PCDHGB4: variants seen among roughly 807,000 people sequenced by gnomAD.
PCDHGB4 encodes the protein protocadherin gamma subfamily B, 4.
PCDHGB4 carries 38 observed loss-of-function variants against 60.5 expected under a neutral mutation model. The ratio of observed to expected loss-of-function variants is 0.63; its 90% confidence interval spans 0.48 to 0.82. PCDHGB4 has a LOEUF of 0.82. Among genes scored for constraint, PCDHGB4 ranks in the 40% least tolerant of loss-of-function variants. The probability of loss-of-function intolerance (pLI) is 0.00; values close to 1 mark genes in which losing one functional copy is unlikely to be tolerated. For missense variants in PCDHGB4, 1,109 were observed against 1,209.6 expected, an observed-to-expected ratio of 0.92 and a Z score of 1.23; for synonymous variants, 456 against 509.7, an observed-to-expected ratio of 0.89 and a Z score of 1.42.
intron 1 of PCDHGB4, among the ~76,000 whole-genome samples, chr5:141,420,686 C>T (rs781004859): frequency 1.3e-4 from 20 of 152,258 alleles, no homozygotes; most frequent in Admixed American, 4.6e-4. Context: ...TTATCGGGAC[C>T]GTATTATTTC....
Position 141,388,404 on chromosome 5 carries a change from C to T in PCDHGB4, c.520C>T (p.Pro174Ser). Residue 174 changes from proline to serine, a missense_variant, in exon 1 of 4, where the codon CCC becomes TCC. Pro to Ser is a moderately conservative substitution (Grantham distance 74, BLOSUM62 -1). This residue lies in a region of PCDHGB4 where 1,068 missense variants were observed against 1,089.9 expected (regional missense o/e 0.98). Transcript: ENST00000519479. ...CACACTGCAGAATTACCAACTCAGT[C>T]CCAGTGATCATTTCTCACTGATAAA... ...SNTLQNYQLS[P>S]SDHFSLINKE... 6.2e-7 allele frequency: 1 copy of T among 1,613,952 alleles called. No individual in the cohort carries two copies. The highest frequency in any genetic ancestry group is 8.5e-7 in the Non-Finnish European group (1 of 1,179,864).
chr5:141,435,372 T>C (rs2097759153), intron 1 of PCDHGB4, among the ~76,000 whole-genome samples: 1 of 152,216 alleles, frequency 6.6e-6, no homozygotes, highest in African/African-American at 2.4e-5. Context: ...CACTTAAATA[T>C]ACAATATACC....
At position 141,476,503 on chromosome 5, in the gene PCDHGB4, C is replaced by T. The variant is rs1259213742; in HGVS notation, c.2398-18304C>T. 2 of 1,614,138 alleles carry T rather than the reference C, an allele frequency of 1.2e-6. No individual in the cohort carries two copies. ...TGGAAGTGGTGATCCAGGACATCAA[C>T]GACAACAATCCTGCTTTCCCTACCC... On this transcript the variant is annotated intron_variant, in intron 1 of 3. Transcript: ENST00000519479. The surrounding 1 kb of genome is among the most constrained non-coding windows in gnomAD (Gnocchi z 7.6).
intron 1 of PCDHGB4, chr5:141,394,218 G>C: frequency 6.2e-7 from 1 of 1,613,918 alleles, no homozygotes; most frequent in Non-Finnish European, 8.5e-7. Context: ...CCTGAGAGGA[G>C]CCTCCATCTT....
chr5:141,392,746 G>A (rs970809453), intron 1 of PCDHGB4: 4 of 1,443,856 alleles, frequency 2.8e-6, no homozygotes, highest in Non-Finnish European at 3.6e-6. Flanking sequence ...CATAGCTGCG[G>A]CAAGAAACTA....
intron 1 of PCDHGB4, chr5:141,416,205 A>T (rs1239154825): frequency 1.3e-5 from 2 of 152,458 alleles, no homozygotes; most frequent in Non-Finnish European, 2.9e-5. Context: ...CAATTTATTT[A>T]TAACAATGTA....
In PCDHGB4 at chr5:141,491,105, C is replaced by T; in HGVS notation, c.2398-3702C>T. ...ACAGCCCCAGGACTGTTCCTCGTGTCTACACACACTGGTGAGGTGCGCACA... is the reference window on the plus strand; with the variant it reads ...ACAGCCCCAGGACTGTTCCTCGTGTTTACACACACTGGTGAGGTGCGCACA... On this transcript the variant is annotated intron_variant, in intron 1 of 3. Transcript: ENST00000519479. This position sits in a 1 kb window ranked among gnomAD's most constrained non-coding sequence, Gnocchi z 6.9. 1 of 1,614,222 alleles carries T rather than the reference C, an allele frequency of 6.2e-7. No individual in the cohort carries two copies. Among genetic ancestry groups the T allele is most frequent in the Non-Finnish European group, 8.5e-7 (1 of 1,180,032 alleles).
In PCDHGB4 at chr5:141,505,419, C is replaced by G. The variant is rs1303924776; in HGVS notation, c.2483C>G (p.Thr828Ser). 6 of 1,614,140 alleles carry G rather than the reference C, an allele frequency of 3.7e-6. No individual in the cohort carries two copies. The highest frequency in any genetic ancestry group is 4.2e-6 in the Non-Finnish European group (5 of 1,180,062). Residue 828 changes from threonine to serine, a missense_variant, in exon 3 of 4, where the codon ACC becomes AGC. Thr to Ser is a moderately conservative substitution (Grantham distance 58). Around this residue, in one of 2 missense-constraint regions of PCDHGB4, gnomAD observed 1,068 missense variants for 1,089.9 expected, o/e 0.98. Coordinates refer to ENST00000519479, the MANE Select transcript of PCDHGB4 (RefSeq NM_003736.4). ...SGSQNGDDTGTWPNNQFDTEM... is the reference protein window; with the variant it reads ...SGSQNGDDTGSWPNNQFDTEM... ...TCCCAAAATGGCGATGACACCGGCACCTGGCCCAACAACCAGTTTGACACA... is the reference window on the plus strand; with the variant it reads ...TCCCAAAATGGCGATGACACCGGCAGCTGGCCCAACAACCAGTTTGACACA...
intron 1 of PCDHGB4, chr5:141,430,707 CT>C: frequency 6.8e-7 from 1 of 1,478,562 alleles, no homozygotes; most frequent in Non-Finnish European, 9.0e-7. Context: ...GGAACTGCTC[CT>C]GACTTCAGTG....
Position 141,389,439 on chromosome 5 carries a change from G to C in PCDHGB4, c.1555G>C (p.Asp519His), listed in dbSNP as rs201120335. Reference protein sequence around the residue: ...SGVVFAQRAFDHEQLRAFELT... With the variant: ...SGVVFAQRAFHHEQLRAFELT... Reference sequence around the variant, plus strand: ...GGTGGTGTTCGCGCAGCGCGCCTTCGACCACGAGCAGCTGCGCGCCTTCGA... The same window carrying C: ...GGTGGTGTTCGCGCAGCGCGCCTTCCACCACGAGCAGCTGCGCGCCTTCGA... Residue 519 changes from aspartate (D) to histidine (H), a missense_variant, in exon 1 of 4, where the codon GAC (aspartate) becomes CAC (histidine). This residue lies in a region of PCDHGB4 where 1,068 missense variants were observed against 1,089.9 expected (regional missense o/e 0.98). Coordinates refer to ENST00000519479, the MANE Select transcript of PCDHGB4 (RefSeq NM_003736.4). 1 of 1,610,580 alleles carries C rather than the reference G, an allele frequency of 6.2e-7. No homozygotes were observed. The highest frequency in any genetic ancestry group is 8.5e-7 in the Non-Finnish European group (1 of 1,178,368).
chr5:141,403,986 C>A (rs367739607), intron 1 of PCDHGB4: 12 of 1,613,586 alleles, frequency 7.4e-6, no homozygotes, highest in Admixed American at 1.7e-5. Flanking sequence ...GACAATAGAC[C>A]TGAAGTGACC....
intron 1 of PCDHGB4, chr5:141,409,494 C>T (rs755680835): frequency 8.1e-6 from 13 of 1,613,910 alleles, no homozygotes; most frequent in South Asian, 3.3e-5. Context: ...GGCAAGCCGC[C>T]TCTTTCTTCC....
In PCDHGB4 at chr5:141,393,593, G is replaced by A. The variant is rs2092803808; in HGVS notation, c.2397+3312G>A. ...TTGAGAACATGCCCCCAGGCACGCG[G>A]CTGCTTACTGTAACAGCCAGCGACC... On this transcript the variant is annotated intron_variant, in intron 1 of 3. Transcript: ENST00000519479. The A allele has an allele frequency of 5.0e-6, 8 of 1,613,906 alleles. No individual in the cohort carries two copies. The East Asian group carries it at 1.8e-4, about 36-fold the overall frequency.
intron 1 of PCDHGB4, chr5:141,391,466 C>T (rs375470029): frequency 2.6e-5 from 4 of 152,276 alleles, no homozygotes; most frequent in East Asian, 3.9e-4. Context: ...CTCATGCCAC[C>T]AGACCTGGCT....
In PCDHGB4 at chr5:141,423,562, A is replaced by G. The variant is rs374427537; in HGVS notation, c.2397+33281A>G. On this transcript the variant is annotated intron_variant, in intron 1 of 3. Coordinates refer to ENST00000519479, the MANE Select transcript of PCDHGB4 (RefSeq NM_003736.4). ...TTTCCCCCAGCCCAACTATGGGGAC[A>G]CGCTCATCAGCCAGGAGAGCTGTGA... is the stretch of plus-strand genomic sequence containing the variant. 7 of 1,613,498 alleles carry G rather than the reference A, an allele frequency of 4.3e-6. No homozygotes were observed. The African/African-American group carries it at 8.0e-5, about 18-fold the overall frequency.
In PCDHGB4 at chr5:141,388,210, T is replaced by C. The variant is rs1589055013; in HGVS notation, c.326T>C (p.Val109Ala). The part of the protein sequence containing the change: ...KPACALEFEA[V>A]AENPLNFYHV... ...GCTTGTGCTCTGGAATTTGAGGCTG[T>C]TGCTGAAAATCCACTGAACTTTTAT... The change falls in exon 1 of 4, where the codon GTT (valine) becomes GCT (alanine). Residue 109 changes from valine to alanine, a missense_variant. Physicochemically the swap from Val to Ala is moderately conservative, Grantham distance 64. Around this residue, in one of 2 missense-constraint regions of PCDHGB4, gnomAD observed 1,068 missense variants for 1,089.9 expected, o/e 0.98. Transcript: ENST00000519479. 1.9e-6 allele frequency: 3 copies of C among 1,587,862 alleles called. No homozygotes were observed. Among genetic ancestry groups the C allele is most frequent in the Non-Finnish European group, 2.6e-6 (3 of 1,159,126 alleles).
chr5:141,404,886 C>T (rs1248535405), intron 1 of PCDHGB4: 2 of 1,613,906 alleles, frequency 1.2e-6, no homozygotes, highest in South Asian at 1.1e-5. Context: ...CTTGTGGTGG[C>T]TGTACAGGAC....
Position 141,485,342 on chromosome 5 carries a change from G to C in PCDHGB4, c.2398-9465G>C. 1.2e-6 allele frequency: 2 copies of C among 1,614,164 alleles called. No individual in the cohort carries two copies. Among genetic ancestry groups the C allele is most frequent in the Non-Finnish European group, 1.7e-6 (2 of 1,180,026 alleles). On this transcript the variant is annotated intron_variant, in intron 1 of 3. Coordinates refer to ENST00000519479, the MANE Select transcript of PCDHGB4 (RefSeq NM_003736.4). The surrounding 1 kb of genome is among the most constrained non-coding windows in gnomAD (Gnocchi z 5.7). The stretch of plus-strand genomic sequence containing the variant: ...CGCTCAAGATTTCCTGCTGGATACG[G>C]ACAGTCTGTCAGCTCGCAGGCTGCA...
In PCDHGB4 at chr5:141,389,332, G is replaced by A; in HGVS notation, c.1448G>A (p.Gly483Asp). 1.2e-6 allele frequency: 2 copies of A among 1,613,980 alleles called. No homozygotes were observed. Among genetic ancestry groups the A allele is most frequent in the Non-Finnish European group, 8.5e-7 (1 of 1,179,908 alleles). ...TCTGATCCGGACTTGGGGCCCAACG[G>A]CCAAGTCTCTTACTGCATCATGGCC... ...RASDPDLGPN[G>D]QVSYCIMASD... Residue 483 changes from glycine (G) to aspartate (D), a missense_variant, in exon 1 of 4, where the codon GGC becomes GAC. Around this residue, in one of 2 missense-constraint regions of PCDHGB4, gnomAD observed 1,068 missense variants for 1,089.9 expected, o/e 0.98. Transcript: ENST00000519479.
Sources: allele counts gnomAD v4.1 joint callset (sites outside exome capture counted in the v4.1 genomes callset), GRCh38; gene constraint gnomAD v4.1.1; regional missense constraint gnomAD v4.1.1; non-coding constraint Gnocchi (gnomAD v3.1); transcripts MANE v1.5; gene names NCBI Gene and HGNC (gene_info 2026-07-23, HGNC 2026-07-21).